Variants in ERG observed in about 807,000 individuals in gnomAD.
The protein encoded by ERG is transcriptional regulator ERG.
ERG carries 9 observed loss-of-function variants against 55.3 expected under a neutral mutation model. The ratio of observed to expected loss-of-function variants is 0.16; its 90% CI spans 0.10 to 0.28. The LOEUF is 0.28. ERG is among the 10% of genes least tolerant of loss of function. The pLI, the probability that ERG is intolerant of heterozygous loss-of-function variation, is 1.00. For missense variants in ERG, 434 were observed against 631.6 expected, an observed-to-expected ratio of 0.69 and a Z score of 3.35; for synonymous variants, 223 against 237.3, an observed-to-expected ratio of 0.94 and a Z score of 0.55.
chr21:38,656,395 G>A (rs918410078), intron 1 of ERG, among the ~76,000 whole-genome samples: 1 of 152,134 alleles, frequency 6.6e-6, no homozygotes, highest in African/African-American at 2.4e-5. Context: ...CTAAGATATT[G>A]GGATTCTCTT....
intron 1 of ERG, among the ~76,000 whole-genome samples, chr21:38,492,773 A>G (rs531405285): frequency 6.6e-6 from 1 of 152,312 alleles, no homozygotes; most frequent in Non-Finnish European, 1.5e-5. Flanking sequence ...CAGTAGGGGA[A>G]ATATGTGGAA....
At chr21:38,624,620 T>C (rs2060313768) in intron 1 of ERG, among the ~76,000 whole-genome samples, 1 of 152,198 alleles carries the variant, frequency 6.6e-6, no homozygotes, top group Non-Finnish European at 1.5e-5. Context: ...AAAAAGGTTC[T>C]GTGATGGGAC....
chr21:38,436,412 A>G (rs975273012), intron 2 of ERG, among the ~76,000 whole-genome samples: 1 of 152,180 alleles, frequency 6.6e-6, no homozygotes, highest in African/African-American at 2.4e-5. Context: ...GATTTGGTGC[A>G]TCTTGTCACT....
intron 2 of ERG, chr21:38,575,619 C>G (rs1354527642): frequency 6.8e-7 from 1 of 1,463,404 alleles, no homozygotes; most frequent in Non-Finnish European, 9.6e-7. Flanking sequence ...AACCTAGGCA[C>G]AGAGGAAGGC....
At chr21:38,595,615 G>A (rs2146901774) in intron 1 of ERG, among the ~76,000 whole-genome samples, 1 of 152,342 alleles carries the variant, frequency 6.6e-6, no homozygotes, top group Non-Finnish European at 1.5e-5. Flanking sequence ...GGCGGGAGCG[G>A]TGGAGGCTGG....
At chr21:38,492,612 C>T (rs183310173) in intron 1 of ERG, among the ~76,000 whole-genome samples, 4 of 152,258 alleles carry the variant, frequency 2.6e-5, no homozygotes, top group East Asian at 1.9e-4. Context: ...ACAGCTTCTG[C>T]GATATCAGTG....
intron 2 of ERG, among the ~76,000 whole-genome samples, chr21:38,433,011 C>T (rs980987028): frequency 3.9e-5 from 6 of 152,108 alleles, no homozygotes; most frequent in East Asian, 1.9e-4. Context: ...AGGGCAGCCA[C>T]GAAGGAGCAA....
At chr21:38,643,598 A>G (rs1369789125) in intron 1 of ERG, among the ~76,000 whole-genome samples, 1 of 152,192 alleles carries the variant, frequency 6.6e-6, no homozygotes, top group South Asian at 2.1e-4. Flanking sequence ...AAAAGAACTC[A>G]TTCAATTCAG....
chr21:38,473,464 T>C (rs1013832727), intron 1 of ERG, among the ~76,000 whole-genome samples: 6 of 151,718 alleles, frequency 4.0e-5, no homozygotes, highest in Non-Finnish European at 8.8e-5. Flanking sequence ...TTAAAGACAA[T>C]TTTAAATAAG....
At chr21:38,628,442 A>G (rs1202895147) in intron 1 of ERG, among the ~76,000 whole-genome samples, 2 of 152,154 alleles carry the variant, frequency 1.3e-5, no homozygotes, top group Admixed American at 6.5e-5. Context: ...TCCATACACT[A>G]CCCAGAATGA....
intron 1 of ERG, 24 bp from the exon 2 acceptor site, chr21:38,445,645 A>G (rs2058885346): frequency 1.3e-6 from 2 of 1,585,544 alleles, no homozygotes; most frequent in Non-Finnish European, 1.7e-6. Context: ...GAAACACATA[A>G]TTCAAGACAC....
intron 2 of ERG, among the ~76,000 whole-genome samples, chr21:38,432,734 T>C (rs1990271998): frequency 6.6e-6 from 1 of 152,096 alleles, no homozygotes; most frequent in Admixed American, 6.6e-5. Context: ...CACAGAGAGG[T>C]TGGATAACTT....
chr21:38,392,269 A>G (rs893557973), intron 7 of ERG, 107 bp downstream of exon 7: 1 of 937,910 alleles, frequency 1.1e-6, no homozygotes, highest in African/African-American at 1.6e-5. Context: ...CAAACCCATC[A>G]CATGTTGCAA....
chr21:38,540,207 T>C (rs2059742581), intron 2 of ERG, among the ~76,000 whole-genome samples: 1 of 152,030 alleles, frequency 6.6e-6, no homozygotes, highest in African/African-American at 2.4e-5. Context: ...AGAAAAAAAA[T>C]ATTCAAACAT....
intron 2 of ERG, among the ~76,000 whole-genome samples, chr21:38,432,260 G>A (rs1412871946): frequency 6.6e-6 from 1 of 151,986 alleles, no homozygotes; most frequent in Non-Finnish European, 1.5e-5. Context: ...ACACCCAGCT[G>A]TTTTTTAATT....
downstream of ERG, among the ~76,000 whole-genome samples, chr21:38,378,384 T>G (rs890560951): frequency 1.3e-5 from 2 of 152,226 alleles, no homozygotes; most frequent in Admixed American, 6.5e-5. Flanking sequence ...CATCTGGACC[T>G]CCTCCAACTT....
intron 2 of ERG, among the ~76,000 whole-genome samples, chr21:38,512,022 A>C (rs951836227): frequency 6.6e-6 from 1 of 152,244 alleles, no homozygotes; most frequent in Non-Finnish European, 1.5e-5. Flanking sequence ...CACTGTGTGC[A>C]TGACAGACTG....
intron 1 of ERG, among the ~76,000 whole-genome samples, chr21:38,619,888 A>G (rs1601321090): frequency 6.6e-6 from 1 of 152,370 alleles, no homozygotes; most frequent in East Asian, 1.9e-4. Flanking sequence ...GTTATGGTCT[A>G]ATTGCCTGAA....
intron 3 of ERG, among the ~76,000 whole-genome samples, chr21:38,410,600 G>A (rs1297996210): frequency 1.3e-5 from 2 of 152,208 alleles, no homozygotes; most frequent in Non-Finnish European, 2.9e-5. Context: ...GAGGGAGGAA[G>A]GCTGACATTT....
Sources: allele counts gnomAD v4.1 joint callset (sites outside exome capture counted in the v4.1 genomes callset), GRCh38; gene constraint gnomAD v4.1.1; transcripts MANE v1.5; gene names NCBI Gene and HGNC (gene_info 2026-07-23, HGNC 2026-07-21).